Variants in GLIS3 observed in about 807,000 individuals in gnomAD.
GLIS3 encodes zinc finger protein GLIS3.
Under a neutral mutation model 78.6 loss-of-function variants are expected in GLIS3, and 53 were observed. That is an observed-to-expected ratio of 0.67 (90% CI 0.54 to 0.85). The LOEUF (loss-of-function observed/expected upper bound fraction) is 0.85, where lower values mean the gene tolerates loss of function less well. Ranked by LOEUF, GLIS3 falls within the 40% of genes least tolerant of loss-of-function variation. GLIS3 has a pLI of 0.00. For synonymous variants in GLIS3, 684 were observed against 509.9 expected (o/e 1.34, Z -4.60); for missense variants, 1,703 against 1,231.1 (o/e 1.38, Z -5.74).
upstream of GLIS3, among the ~76,000 whole-genome samples, chr9:4,304,477 C>G (rs1817176807): frequency 6.6e-6 from 1 of 152,206 alleles, no homozygotes; most frequent in East Asian, 1.9e-4. Context: ...CTCCAGTGAC[C>G]CTCTCCTGTC....
chr9:3,860,190 G>T (rs959800112), intron 8 of GLIS3, among the ~76,000 whole-genome samples: 3 of 142,132 alleles, frequency 2.1e-5, no homozygotes, highest in African/African-American at 7.7e-5. Context: ...CAGGAGAATG[G>T]CGTGAATCCG....
At chr9:4,488,252 G>C in the GLIS3 span, among the ~76,000 whole-genome samples, 1 of 152,030 alleles carries the variant, frequency 6.6e-6, no homozygotes, top group Non-Finnish European at 1.5e-5. Context: ...ACTGCACCTG[G>C]CCAATATGTT....
chr9:4,337,695 T>C (rs925545405), intron 2 of GLIS3, among the ~76,000 whole-genome samples: 1 of 152,118 alleles, frequency 6.6e-6, no homozygotes, highest in African/African-American at 2.4e-5. Context: ...CATTCTACCA[T>C]ATCACAAGGC....
chr9:4,446,670 C>G, the GLIS3 span, among the ~76,000 whole-genome samples: 16 of 135,212 alleles, frequency 1.2e-4, no homozygotes, highest in Non-Finnish European at 2.6e-4. Context: ...CCACCATGCC[C>G]GGCTAATTTT....
At chr9:4,311,786 G>C (rs1817363841) in intron 2 of GLIS3, among the ~76,000 whole-genome samples, 1 of 152,234 alleles carries the variant, frequency 6.6e-6, no homozygotes. Flanking sequence ...GTGGTCGTCT[G>C]ACAGGAGCAG....
the GLIS3 span, among the ~76,000 whole-genome samples, chr9:4,402,408 T>A: frequency 6.6e-6 from 1 of 152,294 alleles, no homozygotes; most frequent in South Asian, 2.1e-4. Flanking sequence ...CTCTTCAATG[T>A]CCAGACTGTG....
intron 2 of GLIS3, among the ~76,000 whole-genome samples, chr9:4,175,639 AT>A (rs1816748587): frequency 6.6e-6 from 1 of 152,166 alleles, no homozygotes; most frequent in African/African-American, 2.4e-5. Context: ...TAAACTTCTG[AT>A]TCTACCCAAG....
chr9:3,979,769 T>C (rs1334279402), intron 4 of GLIS3, among the ~76,000 whole-genome samples: 2 of 152,146 alleles, frequency 1.3e-5, no homozygotes, highest in East Asian at 3.8e-4. Context: ...TGCCATTCAT[T>C]GAAAAAGATA....
the GLIS3 span, among the ~76,000 whole-genome samples, chr9:4,406,548 G>C: frequency 6.6e-6 from 1 of 151,940 alleles, no homozygotes; most frequent in African/African-American, 2.4e-5. Flanking sequence ...CTTATACTTG[G>C]AAAAACACTA....
chr9:3,872,624 G>A (rs926277561), intron 8 of GLIS3, among the ~76,000 whole-genome samples: 10 of 152,158 alleles, frequency 6.6e-5, no homozygotes, highest in Non-Finnish European at 1.3e-4. Context: ...CAAGACAACA[G>A]TATGGGGGAA....
chr9:4,197,442 G>C (rs1443493954), intron 2 of GLIS3, among the ~76,000 whole-genome samples: 1 of 152,158 alleles, frequency 6.6e-6, no homozygotes, highest in African/African-American at 2.4e-5. Context: ...CCTGGATTAG[G>C]AGTTTAGGCT....
the GLIS3 span, among the ~76,000 whole-genome samples, chr9:4,367,664 C>G: frequency 2.9e-5 from 4 of 137,992 alleles, no homozygotes; most frequent in African/African-American, 1.1e-4. Context: ...AAAAAGTTCT[C>G]TATGTGAGCA....
chr9:4,105,375 T>C (rs1027768361), intron 4 of GLIS3, among the ~76,000 whole-genome samples: 3 of 152,192 alleles, frequency 2.0e-5, no homozygotes, highest in African/African-American at 4.8e-5. Context: ...AGCAGGAGCC[T>C]GTCAAGACAC....
the GLIS3 span, among the ~76,000 whole-genome samples, chr9:4,355,181 C>G: frequency 6.6e-6 from 1 of 151,796 alleles, no homozygotes; most frequent in Non-Finnish European, 1.5e-5. Flanking sequence ...TTCCCTGAGT[C>G]AAAGTAGTAG....
intron 4 of GLIS3, among the ~76,000 whole-genome samples, chr9:3,989,275 C>G (rs141115669): frequency 6.6e-6 from 1 of 152,078 alleles, no homozygotes; most frequent in African/African-American, 2.4e-5. Context: ...TGTGAAGAAA[C>G]TGGATCACTC....
intron 2 of GLIS3, among the ~76,000 whole-genome samples, chr9:4,330,495 C>G (rs1817668640): frequency 6.6e-6 from 1 of 152,104 alleles, no homozygotes; most frequent in Admixed American, 6.5e-5. Flanking sequence ...GTCAAAGATC[C>G]CAGAGAAATT....
At chr9:3,897,535 C>T (rs903668742) in intron 7 of GLIS3, among the ~76,000 whole-genome samples, 2 of 152,140 alleles carry the variant, frequency 1.3e-5, no homozygotes, top group African/African-American at 4.8e-5. Context: ...CCTGAAACCT[C>T]TGTAAGTTTG....
At chr9:4,487,679 T>C in the GLIS3 span, among the ~76,000 whole-genome samples, 5 of 144,670 alleles carry the variant, frequency 3.5e-5, no homozygotes, top group Non-Finnish European at 6.1e-5. Context: ...GGTATGCTTA[T>C]GGTCAACACT....
At chr9:4,108,268 C>T (rs898850261) in intron 4 of GLIS3, among the ~76,000 whole-genome samples, 2 of 152,166 alleles carry the variant, frequency 1.3e-5, no homozygotes, top group African/African-American at 4.8e-5. Flanking sequence ...GGAGAGCCAG[C>T]ACACTGAATC....
Sources: gnomAD v4.1 joint callset for allele counts (sites outside exome capture counted in the v4.1 genomes callset) on GRCh38, gnomAD v4.1.1 for gene constraint, MANE v1.5 for transcripts, NCBI Gene and HGNC (gene_info 2026-07-23, HGNC 2026-07-21) for gene names.